Variants in MTA3 observed in about 807,000 individuals in gnomAD.
MTA3 encodes the protein metastasis associated 1 family member 3.
A neutral mutation model predicts 83.5 loss-of-function variants in MTA3; 34 were observed. The ratio of observed to expected loss-of-function variants is 0.41; its 90% CI spans 0.31 to 0.54. The LOEUF is 0.54. Ranked by LOEUF, MTA3 falls within the 20% of genes least tolerant of loss-of-function variation. MTA3 has a pLI of 0.33. For missense variants in MTA3, 761 were observed against 726.4 expected (o/e 1.05, Z -0.55); for synonymous variants, 303 against 252.7 (o/e 1.20, Z -1.89).
intron 2 of MTA3, among the ~76,000 whole-genome samples, chr2:42,524,828 A>C (rs1462565194): frequency 4.7e-5 from 2 of 42,522 alleles, no homozygotes; most frequent in Non-Finnish European, 8.2e-5. Context: ...TCTAGCATCC[A>C]AAAAAAAAAA....
rs138439940 is a variant in MTA3, at chr2:42,503,416, G to C, written c.-141+8162G>C. On this transcript the variant is annotated intron_variant, in intron 2 of 17. Coordinates refer to the MTA3 transcript ENST00000405592. ...GCAAGGTCTTTATGACCTGTATCTT[G>C]TGCCAACCTCCTATCTCAACCTGTG... is the stretch of plus-strand genomic sequence containing the variant. 5.2e-3 allele frequency among the ~76,000 whole-genome samples: 792 copies of C among 152,110 alleles called. 10 individuals are homozygous for C. The highest frequency in any genetic ancestry group is 0.018 in the African/African-American group (732 of 41,486).
chr2:42,628,840 G>T (rs993265431), intron 4 of MTA3, among the ~76,000 whole-genome samples: 1 of 148,970 alleles, frequency 6.7e-6, no homozygotes, highest in Non-Finnish European at 1.5e-5. Flanking sequence ...ATTTTTCCTC[G>T]GGTTGTCCTA....
At position 42,754,187 on chromosome 2, in the gene MTA3, A is replaced by G; in HGVS notation, c.*788A>G. 1.0e-6 allele frequency: 1 copy of G among 985,510 alleles called. No homozygotes were observed. Among genetic ancestry groups the G allele is most frequent in the Non-Finnish European group, 1.2e-6 (1 of 829,976 alleles). 61.0% of individuals were successfully genotyped at this position (985,510 alleles called of 1,614,324 possible). ...GCCAAGCGTGTGTATCACTGTGACA[A>G]GCCGTTTGCTTACTGCCCTGTTCCC... On this transcript the variant is annotated 3_prime_UTR_variant, in exon 17 of 17. Coordinates refer to ENST00000405094, the MANE Select transcript of MTA3 (RefSeq NM_001330442.2).
intron 2 of MTA3, 140 bp from the exon 3 acceptor site, chr2:42,578,967 C>A: frequency 1.8e-6 from 1 of 562,828 alleles, no homozygotes; most frequent in Non-Finnish European, 3.1e-6. Flanking sequence ...AATTTTTTAG[C>A]TCTGTGGTTA....
At chr2:42,734,672 T>A (rs1668486259) in intron 16 of MTA3, among the ~76,000 whole-genome samples, 1 of 152,116 alleles carries the variant, frequency 6.6e-6, no homozygotes, top group African/African-American at 2.4e-5. Flanking sequence ...TTTTCTCTGG[T>A]GTTATGTTTT....
intron 2 of MTA3, chr2:42,533,541 A>C (rs1200977706): frequency 1.6e-5 from 2 of 122,152 alleles, no homozygotes; most frequent in Non-Finnish European, 3.4e-5. Flanking sequence ...TTTTTAGGAA[A>C]ATAAAGAAAA....
rs1244209440 is a variant in MTA3 at position 42,704,170 on chromosome 2, ACCTTAT to A, written c.1026-23_1026-18del. ...GCCTTATTGTACAAATCATTTTATC[ACCTTAT>A]TTTAATTTCATTGAAAGCAGCAAAC... On this transcript the variant is annotated intron_variant, in intron 11 of 16. Transcript: ENST00000405094. The A allele has an allele frequency of 4.3e-6, 7 of 1,610,248 alleles. No individual in the cohort carries two copies. Among genetic ancestry groups the A allele is most frequent in the Admixed American group, 1.7e-5 (1 of 59,356 alleles).
chr2:42,524,082 G>T (rs1050399192), intron 2 of MTA3, among the ~76,000 whole-genome samples: 13 of 152,016 alleles, frequency 8.6e-5, no homozygotes, highest in African/African-American at 3.1e-4. Flanking sequence ...GACCTGGGGG[G>T]GCCATCCTAA....
chr2:42,593,874 C>T (rs191670658), intron 3 of MTA3, among the ~76,000 whole-genome samples: 7 of 151,902 alleles, frequency 4.6e-5, no homozygotes, highest in Non-Finnish European at 1.5e-5. Context: ...TTAATTGCTT[C>T]AGATATTCTT....
chr2:42,549,964 G>A (rs1400803835), intron 2 of MTA3, among the ~76,000 whole-genome samples: 3 of 151,648 alleles, frequency 2.0e-5, no homozygotes, highest in Middle Eastern at 3.4e-3. Context: ...ATTGATTGTT[G>A]CTGTATCACA....
intron 2 of MTA3, among the ~76,000 whole-genome samples, chr2:42,503,992 C>T (rs1477571858): frequency 7.1e-6 from 1 of 140,790 alleles, no homozygotes; most frequent in Admixed American, 7.6e-5. Context: ...GGCATGATCT[C>T]GGCTCACTGC....
At chr2:42,498,927 T>G (rs1279696278) in intron 2 of MTA3, among the ~76,000 whole-genome samples, 6 of 152,156 alleles carry the variant, frequency 3.9e-5, no homozygotes, top group Admixed American at 3.9e-4. Flanking sequence ...CTTAGTTTAT[T>G]AAGGGGCATC....
At chr2:42,500,380 CAG>C in intron 2 of MTA3, among the ~76,000 whole-genome samples, 1 of 151,906 alleles carries the variant, frequency 6.6e-6, no homozygotes, top group Admixed American at 6.6e-5. Context: ...ACTTGGGTGA[CAG>C]AGTGAGATTC....
chr2:42,575,215 C>G (rs1241796901), intron 2 of MTA3, among the ~76,000 whole-genome samples: 2 of 152,112 alleles, frequency 1.3e-5, no homozygotes, highest in South Asian at 4.1e-4. Context: ...TATTTGTGTC[C>G]GTCCTACCCC....
intron 9 of MTA3, chr2:42,682,793 C>A: frequency 1.9e-6 from 1 of 533,656 alleles, no homozygotes; most frequent in Non-Finnish European, 3.3e-6. Context: ...CGCTATCAGG[C>A]CGGGTACGGT....
rs536097658 is a variant in MTA3 at position 42,662,948 on chromosome 2, C to G, written c.702+3086C>G. 3.3e-5 allele frequency among the ~76,000 whole-genome samples: 5 copies of G among 151,068 alleles called. No homozygotes were observed. The East Asian group carries it at 9.8e-4, about 29-fold the overall frequency. On this transcript the variant is annotated intron_variant, in intron 8 of 16. Coordinates refer to ENST00000405094, the MANE Select transcript of MTA3 (RefSeq NM_001330442.2). ...GTTTCACCGTGTTGGTCAGGCTGGT[C>G]TCGAATTCCTGACCTCGTGATCTGC...
intron 3 of MTA3, among the ~76,000 whole-genome samples, chr2:42,601,772 C>G (rs1008820310): frequency 3.3e-5 from 5 of 152,142 alleles, no homozygotes; most frequent in African/African-American, 1.2e-4. Context: ...CTCCACCTTT[C>G]AGGTTCAAGT....
intron 2 of MTA3, among the ~76,000 whole-genome samples, chr2:42,535,948 G>A (rs915236845): frequency 1.1e-4 from 17 of 151,644 alleles, no homozygotes; most frequent in African/African-American, 3.6e-4. Context: ...GTGAGATCCC[G>A]TCTCTACAAA....
chr2:42,584,120 G>A (rs1453973944), intron 3 of MTA3, among the ~76,000 whole-genome samples: 2 of 152,036 alleles, frequency 1.3e-5, no homozygotes, highest in African/African-American at 4.8e-5. Flanking sequence ...TGGATTACAG[G>A]TGTGAGCCAC....
Sources: gnomAD v4.1 joint callset for allele counts (sites outside exome capture counted in the v4.1 genomes callset) on GRCh38, gnomAD v4.1.1 for gene constraint, MANE v1.5 for transcripts, NCBI Gene and HGNC (gene_info 2026-07-23, HGNC 2026-07-21) for gene names.